The following SH3BP2 variants were observed in gnomAD, a reference collection of about 807,000 sequenced individuals.
SH3BP2 encodes SH3 domain binding protein 2, also known as SH3 domain-binding protein 2.
A neutral mutation model predicts 56.2 loss-of-function variants in SH3BP2; 38 were observed. That is an observed-to-expected ratio of 0.68 (90% CI 0.52 to 0.89). The LOEUF (loss-of-function observed/expected upper bound fraction) is 0.89. Ranked by LOEUF, SH3BP2 falls within the 40% of genes least tolerant of loss-of-function variation. The probability of loss-of-function intolerance (pLI) is 0.00; values close to 1 mark genes in which losing one functional copy is unlikely to be tolerated. For synonymous variants in SH3BP2, 346 were observed against 316.7 expected (o/e 1.09, Z -0.98); for missense variants, 748 against 762.6 (o/e 0.98, Z 0.23).
intron 2 of SH3BP2, among the ~76,000 whole-genome samples, 194 bp downstream of exon 2, chr4:2,820,947 C>T (rs1412347433): frequency 6.6e-6 from 1 of 152,064 alleles, no homozygotes; most frequent in Non-Finnish European, 1.5e-5. Context: ...GTAGCAGGGT[C>T]CGGGGTGGTG....
At position 2,831,985 on chromosome 4, in the gene SH3BP2, A is replaced by G. The variant is rs1479061448; in HGVS notation, c.1406+7A>G. 1.2e-6 allele frequency: 2 copies of G among 1,612,916 alleles called. No homozygotes were observed. The highest frequency in any genetic ancestry group is 1.1e-5 in the South Asian group (1 of 91,072). On this transcript the variant is annotated splice_region_variant and intron_variant, in intron 10 of 12. Coordinates refer to ENST00000503393, the MANE Select transcript of SH3BP2 (RefSeq NM_001122681.2). The surrounding 1 kb of genome is among the most constrained non-coding windows in gnomAD (Gnocchi z 4.1). ...AGTCCTGCGAAGTGGAAAGGTCAGC[A>G]CAAAGCCCTGTGTGTGCTGGGTCCT... is the stretch of plus-strand genomic sequence containing the variant.
chr4:2,832,042 C>T lies in SH3BP2; in HGVS notation c.1406+64C>T. On this transcript the variant is annotated intron_variant, in intron 10 of 12. Coordinates refer to ENST00000503393, the MANE Select transcript of SH3BP2 (RefSeq NM_001122681.2). ...TGCCCGGCTTCCTGCTTCTGTGTCCCTCTCACTAGCTTCCGTGTTGGGGAG... is the reference window on the plus strand; with the variant it reads ...TGCCCGGCTTCCTGCTTCTGTGTCCTTCTCACTAGCTTCCGTGTTGGGGAG... The T allele has an allele frequency of 2.6e-6, 4 of 1,528,048 alleles. No individual in the cohort carries two copies. The South Asian group carries it at 3.4e-5, about 13-fold the overall frequency. The allele number at this position is 1,528,048 out of a possible 1,614,324, so 94.7% of individuals were successfully genotyped here. A position where few individuals can be genotyped will look rare whatever the true frequency, so the allele number is the denominator to read the frequency against.
At chr4:2,804,260 T>G (rs1723440524) in intron 1 of SH3BP2, among the ~76,000 whole-genome samples, 1 of 152,196 alleles carries the variant, frequency 6.6e-6, no homozygotes, top group African/African-American at 2.4e-5. Flanking sequence ...CTGTGCAGCC[T>G]CAGCACTAAG....
intron 1 of SH3BP2, among the ~76,000 whole-genome samples, chr4:2,801,410 G>A (rs966198065): frequency 2.6e-5 from 4 of 152,196 alleles, no homozygotes; most frequent in East Asian, 1.9e-4. Context: ...TCCCCAACCC[G>A]GGGTCTGGCC....
At chr4:2,812,837 T>G (rs1312364990) in intron 1 of SH3BP2, among the ~76,000 whole-genome samples, 2 of 140,354 alleles carry the variant, frequency 1.4e-5, no homozygotes, top group Non-Finnish European at 3.1e-5. Context: ...GCCTTGGTGT[T>G]TGGGTCCTAA....
intron 8 of SH3BP2, 122 bp downstream of exon 8, chr4:2,830,269 G>A: frequency 1.0e-6 from 1 of 966,330 alleles, no homozygotes; most frequent in East Asian, 2.6e-5. Flanking sequence ...GGTACCAGGT[G>A]CAAGGGTAGG....
intron 1 of SH3BP2, among the ~76,000 whole-genome samples, chr4:2,800,000 G>T (rs1723196133): frequency 6.6e-6 from 1 of 152,072 alleles, no homozygotes; most frequent in South Asian, 2.1e-4. Context: ...CGCCCTCCAA[G>T]CAGTGGCCAC....
At chr4:2,809,222 C>T (rs370975) in intron 1 of SH3BP2, among the ~76,000 whole-genome samples, 1 of 80,164 alleles carries the variant, frequency 1.2e-5, no homozygotes, top group African/African-American at 5.7e-5. Context: ...CACCCACCCT[C>T]CTAGGGCTCA....
chr4:2,839,513 T>G lies in SH3BP2; in HGVS notation c.*5679T>G, dbSNP rs4690002. The G allele has an allele frequency of 2.6e-5, 4 of 152,040 alleles. No homozygotes were observed. The highest frequency in any genetic ancestry group is 6.5e-5 in the Admixed American group (1 of 15,278). The allele number at this position is 152,040 out of a possible 1,614,324, so 9.4% of individuals were successfully genotyped here. A position where few individuals can be genotyped will look rare whatever the true frequency, so the allele number is the denominator to read the frequency against. ...TGTATAGTCTTGATATTATCCATAA[T>G]GTGTATTGCAAATATCTTCTCTAAC... On this transcript the variant is annotated 3_prime_UTR_variant, in exon 13 of 13. Coordinates refer to ENST00000503393, the MANE Select transcript of SH3BP2 (RefSeq NM_001122681.2).
At chr4:2,808,202 T>A (rs1297563572) in intron 1 of SH3BP2, among the ~76,000 whole-genome samples, 1 of 152,134 alleles carries the variant, frequency 6.6e-6, no homozygotes, top group East Asian at 1.9e-4. Context: ...CTTCCTCCCC[T>A]CCCAGCTTCT....
chr4:2,826,368 TTGTG>T (rs1240491346), intron 5 of SH3BP2: 3 of 90,880 alleles, frequency 3.3e-5, no homozygotes, highest in Non-Finnish European at 6.2e-5. Context: ...TGCTCTGTGT[TTGTG>T]TGTGCATGTC....
chr4:2,823,500 G>A (rs371726369), intron 3 of SH3BP2: 134 of 456,992 alleles, frequency 2.9e-4, no homozygotes, highest in African/African-American at 1.6e-3. Flanking sequence ...CCAGCTTCAC[G>A]CATGTCCTGG....
At chr4:2,828,013 A>C (rs960808527) in intron 7 of SH3BP2, among the ~76,000 whole-genome samples, 4 of 152,142 alleles carry the variant, frequency 2.6e-5, no homozygotes, top group South Asian at 2.1e-4. Flanking sequence ...CATGGCTGCC[A>C]GCTTGTGTGG....
chr4:2,832,213 G>A, intron 10 of SH3BP2, 118 bp from the exon 11 acceptor site: 3 of 1,070,128 alleles, frequency 2.8e-6, no homozygotes, highest in Non-Finnish European at 4.4e-6. Context: ...GACGTGCTCA[G>A]CTCCTGAGAC....
At position 2,827,313 on chromosome 4, in the gene SH3BP2, A is replaced by G. The variant is rs143236581; in HGVS notation, c.512A>G (p.Asn171Ser). Residue 171 changes from asparagine to serine, a missense_variant, in exon 6 of 13, where the codon AAT becomes AGT. Coordinates refer to ENST00000503393, the MANE Select transcript of SH3BP2 (RefSeq NM_001122681.2). ...DISLSPYPTD[N>S]EDYEHDDEDD... is the part of the protein sequence containing the mutation. ...AGCCTTTCCCCGTACCCCACGGACA[A>G]TGAAGGTGAGGTCTTTCTCCGCATC... 1.1e-4 allele frequency: 172 copies of G among 1,613,736 alleles called. No individual in the cohort carries two copies. The highest frequency in any genetic ancestry group is 1.3e-4 in the Non-Finnish European group (155 of 1,179,702).
intron 1 of SH3BP2, chr4:2,812,166 G>C: frequency 7.0e-7 from 1 of 1,431,654 alleles, no homozygotes; most frequent in Non-Finnish European, 9.1e-7. Flanking sequence ...GGCAGCCCTG[G>C]GCCCCAGGCA....
In SH3BP2 at chr4:2,837,127, A is replaced by G. The variant is rs930192715; in HGVS notation, c.*3293A>G. The G allele has an allele frequency of 1.4e-4, 22 of 151,992 alleles. No homozygotes were observed. Among genetic ancestry groups the G allele is most frequent in the Admixed American group, 1.4e-3 (22 of 15,262 alleles). 9.4% of individuals were successfully genotyped at this position (151,992 alleles called of 1,614,324 possible). On this transcript the variant is annotated 3_prime_UTR_variant, in exon 13 of 13. Transcript: ENST00000503393. The stretch of plus-strand genomic sequence containing the variant: ...TTGGCGTGATCTCGGCTCAATGCAA[A>G]TCTCCAGGGTTCAATCGATTCTCCT...
intron 1 of SH3BP2, among the ~76,000 whole-genome samples, chr4:2,799,729 C>T (rs903834284): frequency 4.6e-5 from 7 of 152,320 alleles, no homozygotes; most frequent in East Asian, 3.9e-4. Context: ...CAGGCAGGGT[C>T]CTGGCCCTTC....
chr4:2,795,927 TC>T (rs1276054024), intron 1 of SH3BP2, among the ~76,000 whole-genome samples: 3 of 152,166 alleles, frequency 2.0e-5, no homozygotes, highest in Non-Finnish European at 4.4e-5. Context: ...CTGGAGACAG[TC>T]CCACGTGTGG....
Sources: allele counts gnomAD v4.1 joint callset (sites outside exome capture counted in the v4.1 genomes callset), GRCh38; gene constraint gnomAD v4.1.1; non-coding constraint Gnocchi (gnomAD v3.1); transcripts MANE v1.5; gene names NCBI Gene and HGNC (gene_info 2026-07-23, HGNC 2026-07-21).